The following SEC24D variants were observed in gnomAD, a reference collection of about 807,000 sequenced individuals.
SEC24D encodes SEC24 homolog D, COPII component, also known as protein transport protein Sec24D.
SEC24D carries 69 observed loss-of-function variants against 116.9 expected under a neutral mutation model. The observed-to-expected ratio is 0.59, with a 90% CI of 0.49 to 0.72. The LOEUF (loss-of-function observed/expected upper bound fraction) is 0.72, where lower values mean the gene tolerates loss of function less well. Ranked by LOEUF, SEC24D falls within the 30% of genes least tolerant of loss-of-function variation. The pLI is 0.00. For synonymous variants in SEC24D, 405 were observed against 442.8 expected (o/e 0.91, Z 1.07); for missense variants, 1,131 against 1,264.1 (o/e 0.89, Z 1.60).
chr4:118,779,079 T>C (rs1728276523), intron 8 of SEC24D, among the ~76,000 whole-genome samples: 1 of 152,188 alleles, frequency 6.6e-6, no homozygotes, highest in African/African-American at 2.4e-5. Flanking sequence ...CTTTTCCTAA[T>C]TAAATACGCT....
chr4:118,805,699 T>C (rs1462242256), intron 7 of SEC24D, 144 bp downstream of exon 7: 1 of 540,422 alleles, frequency 1.9e-6, no homozygotes, highest in Non-Finnish European at 3.2e-6. Context: ...CTCTTGGTAC[T>C]TGAGGGATTA....
intron 2 of SEC24D, among the ~76,000 whole-genome samples, chr4:118,832,282 G>C (rs1279638448): frequency 6.6e-6 from 1 of 152,146 alleles, no homozygotes; most frequent in Non-Finnish European, 1.5e-5. Context: ...AAGGAGAAAA[G>C]AGTTTTGTAA....
chr4:118,745,040 C>G lies in SEC24D; in HGVS notation c.1728G>C (p.Lys576Asn). ...GCAAGGAAGAATGGAAGATGAACAG[C>G]TTCCCAGGACAGTCTGCTGCCTAAA... Reference protein sequence around the residue: ...EALKAADCPGKLFIFHSSLPT... With the variant: ...EALKAADCPGNLFIFHSSLPT... The change falls in exon 14 of 23, where the codon AAG becomes AAC. Residue 576 changes from lysine (K) to asparagine (N), a missense_variant. Physicochemically the swap from Lys to Asn is moderately conservative, Grantham distance 94. Transcript: ENST00000280551. 1 of 1,601,584 alleles carries G rather than the reference C, an allele frequency of 6.2e-7. No homozygotes were observed. The highest frequency in any genetic ancestry group is 8.5e-7 in the Non-Finnish European group (1 of 1,172,584).
Position 118,740,723 on chromosome 4 carries a change from T to C in SEC24D, c.2178A>G (p.Ala726=). 6.2e-7 allele frequency: 1 copy of C among 1,613,984 alleles called. No homozygotes were observed. Among genetic ancestry groups the C allele is most frequent in the Non-Finnish European group, 8.5e-7 (1 of 1,179,882 alleles). The change falls in exon 17 of 23, where the codon GCA becomes GCG. Residue 726 remains alanine (A), a synonymous_variant. Transcript: ENST00000280551. ...VEMAAIDCDK[A]VTVEFKHDDK... ...CATCGTGCTTGAACTCCACGGTCAC[T>C]GCCTTGTCACAATCGATGGCAGCCA...
intron 8 of SEC24D, among the ~76,000 whole-genome samples, chr4:118,787,682 G>A (rs67175714): frequency 0.31 from 47,540 of 151,954 alleles, 8,485 homozygotes; most frequent in East Asian, 0.45. Context: ...TGTGGTGCAC[G>A]TGGCCGTGGT....
At chr4:118,731,153 A>G (rs1725664164) in intron 21 of SEC24D, 163 bp downstream of exon 21, 1 of 638,898 alleles carries the variant, frequency 1.6e-6, no homozygotes, top group African/African-American at 1.8e-5. Flanking sequence ...ATAACTTTAT[A>G]CCAGCTAATT....
intron 7 of SEC24D, among the ~76,000 whole-genome samples, chr4:118,801,696 G>A (rs917745301): frequency 3.9e-5 from 6 of 152,106 alleles, no homozygotes; most frequent in African/African-American, 1.4e-4. Context: ...ACCTTTAAAG[G>A]GTTTATTTTT....
chr4:118,759,817 A>G (rs1423546888), intron 10 of SEC24D, among the ~76,000 whole-genome samples: 1 of 152,178 alleles, frequency 6.6e-6, no homozygotes, highest in East Asian at 1.9e-4. Flanking sequence ...ACCTCTATAT[A>G]GGCAACTCTT....
At chr4:118,805,088 A>G (rs919735369) in intron 7 of SEC24D, among the ~76,000 whole-genome samples, 6 of 152,036 alleles carry the variant, frequency 3.9e-5, no homozygotes, top group South Asian at 2.1e-4. Context: ...AATTCTCCCA[A>G]TCAAGTCTCT....
At chr4:118,834,021 A>T (rs1730989562) in intron 1 of SEC24D, among the ~76,000 whole-genome samples, 1 of 152,222 alleles carries the variant, frequency 6.6e-6, no homozygotes, top group Non-Finnish European at 1.5e-5. Flanking sequence ...AGCCTGAAGC[A>T]TCTCACAGAT....
At chr4:118,752,661 G>T in intron 12 of SEC24D, 36 bp downstream of exon 12, 1 of 1,469,286 alleles carries the variant, frequency 6.8e-7, no homozygotes, top group South Asian at 1.2e-5. Flanking sequence ...CAAAACACCT[G>T]ATTTACTTTT....
chr4:118,726,369 T>C (rs1031189251), intron 22 of SEC24D, among the ~76,000 whole-genome samples: 3 of 152,322 alleles, frequency 2.0e-5, no homozygotes, highest in South Asian at 2.1e-4. Flanking sequence ...TTTGAGGAAG[T>C]AGTCAACCTT....
intron 15 of SEC24D, among the ~76,000 whole-genome samples, chr4:118,742,403 TC>T (rs1430325404): frequency 6.6e-6 from 1 of 152,108 alleles, no homozygotes; most frequent in African/African-American, 2.4e-5. Context: ...ATGAAATTTA[TC>T]CCCCTAACTG....
chr4:118,733,208 C>G lies in SEC24D; in HGVS notation c.2497-296G>C, dbSNP rs142049769. 141 of 219,262 alleles carry G rather than the reference C, an allele frequency of 6.4e-4. 1 individual carries two copies. Among genetic ancestry groups the G allele is most frequent in the African/African-American group, 3.0e-3 (130 of 43,686 alleles). 13.6% of individuals were successfully genotyped at this position (219,262 alleles called of 1,614,324 possible). A position where few individuals can be genotyped will look rare whatever the true frequency, so the allele number is the denominator to read the frequency against. ...GCTCTGTCTTTTAGCAGGTGTGTGA[C>G]CCTGGGCAAATTACTTACCCTGTCT... On this transcript the variant is annotated intron_variant, in intron 19 of 22. Coordinates refer to ENST00000280551, the MANE Select transcript of SEC24D (RefSeq NM_014822.4).
chr4:118,744,757 A>G (rs1182938733), intron 14 of SEC24D, among the ~76,000 whole-genome samples, 187 bp downstream of exon 14: 3 of 152,182 alleles, frequency 2.0e-5, no homozygotes, highest in Admixed American at 6.5e-5. Flanking sequence ...TATTTCAGAC[A>G]TCGGTTTTTC....
chr4:118,746,499 T>C (rs1248973539), intron 13 of SEC24D, among the ~76,000 whole-genome samples: 1 of 152,064 alleles, frequency 6.6e-6, no homozygotes, highest in East Asian at 1.9e-4. Context: ...CAGTAAATGA[T>C]AGCTTCAAAG....
At chr4:118,824,217 G>C (rs534876832) in intron 3 of SEC24D, among the ~76,000 whole-genome samples, 1 of 152,142 alleles carries the variant, frequency 6.6e-6, no homozygotes, top group South Asian at 2.1e-4. Context: ...CACAATCATA[G>C]CTCACTGCAG....
chr4:118,828,908 G>A (rs1305609897), intron 2 of SEC24D, among the ~76,000 whole-genome samples: 8 of 152,122 alleles, frequency 5.3e-5, no homozygotes, highest in African/African-American at 1.9e-4. Context: ...TATGCCAAAT[G>A]TCTTGCAGGT....
At chr4:118,781,273 G>C (rs1330373865) in intron 8 of SEC24D, among the ~76,000 whole-genome samples, 2 of 152,028 alleles carry the variant, frequency 1.3e-5, no homozygotes, top group Non-Finnish European at 2.9e-5. Context: ...GCTCTTTTAG[G>C]GCAGGCCTGG....
Sources: allele counts gnomAD v4.1 joint callset (sites outside exome capture counted in the v4.1 genomes callset), GRCh38; gene constraint gnomAD v4.1.1; transcripts MANE v1.5; gene names NCBI Gene and HGNC (gene_info 2026-07-23, HGNC 2026-07-21).